Variants in AIF1L observed in about 807,000 individuals in gnomAD.
AIF1L encodes allograft inflammatory factor 1 like.
AIF1L carries 12 observed loss-of-function variants against 20.7 expected under a neutral mutation model. That is an observed-to-expected ratio of 0.58 (90% CI 0.37 to 0.94). The LOEUF (loss-of-function observed/expected upper bound fraction) is 0.94. Ranked by LOEUF, AIF1L falls within the 40% of genes least tolerant of loss-of-function variation. The pLI is 0.01. For synonymous variants in AIF1L, 76 were observed against 65.1 expected (o/e 1.17, Z -0.81); for missense variants, 173 against 185.3 (o/e 0.93, Z 0.39).
intron 2 of AIF1L, among the ~76,000 whole-genome samples, chr9:131,106,622 A>G (rs1830754481): frequency 6.6e-6 from 1 of 151,946 alleles, no homozygotes; most frequent in South Asian, 2.1e-4. Context: ...ATCTCTACAA[A>G]AAATACAAAC....
At position 131,111,514 on chromosome 9, in the gene AIF1L, G is replaced by A. The variant is rs1830883255; in HGVS notation, c.94-83G>A. 29 of 1,295,264 alleles carry A rather than the reference G, an allele frequency of 2.2e-5. No individual in the cohort carries two copies. In the South Asian group the frequency reaches 3.4e-4, roughly 15 times the overall value. The allele number at this position is 1,295,264 out of a possible 1,614,324, so 80.2% of individuals were successfully genotyped here. ...GTCGCACCTGGTTACCCGATAGGAG[G>A]GAAGGCCCCCGGACAGTGGGCCCAT... On this transcript the variant is annotated intron_variant, in intron 2 of 5. Transcript: ENST00000247291.
chr9:131,096,656 C>T lies in AIF1L; in HGVS notation c.27C>T (p.Phe9=), dbSNP rs1416624838. Reference sequence around the variant, plus strand: ...TGTCGGGCGAGCTCAGCAACAGGTTCCAAGGTAGGCGCCGCCGTCCCCGAG... The same window carrying T: ...TGTCGGGCGAGCTCAGCAACAGGTTTCAAGGTAGGCGCCGCCGTCCCCGAG... MSGELSNR[F]QGGKAFGLLK... is the part of the protein sequence containing the mutation. The change falls in exon 1 of 6, where the codon TTC becomes TTT. Residue 9 remains phenylalanine (F), a synonymous_variant. Transcript: ENST00000247291. 2.7e-6 allele frequency: 4 copies of T among 1,481,978 alleles called. No individual in the cohort carries two copies. Among genetic ancestry groups the T allele is most frequent in the Non-Finnish European group, 3.6e-6 (4 of 1,124,078 alleles). The allele number at this position is 1,481,978 out of a possible 1,614,324, so 91.8% of individuals were successfully genotyped here. A position where few individuals can be genotyped will look rare whatever the true frequency, so the allele number is the denominator to read the frequency against.
intron 3 of AIF1L, among the ~76,000 whole-genome samples, chr9:131,113,158 G>A (rs10121209): frequency 6.6e-6 from 1 of 151,882 alleles, no homozygotes; most frequent in Non-Finnish European, 1.5e-5. Flanking sequence ...AGAAATGAGG[G>A]AGGGAGGACA....
intron 4 of AIF1L, 46 bp downstream of exon 4, chr9:131,114,664 G>C (rs369703827): frequency 6.2e-7 from 1 of 1,611,002 alleles, no homozygotes; most frequent in South Asian, 1.1e-5. Context: ...TGTTAAGTGG[G>C]TAGAGGGCTT....
Position 131,120,886 on chromosome 9 carries a change from T to C in AIF1L, c.*564T>C. 2.0e-6 allele frequency: 1 copy of C among 493,340 alleles called. No homozygotes were observed. 30.6% of individuals were successfully genotyped at this position (493,340 alleles called of 1,614,324 possible). A position where few individuals can be genotyped will look rare whatever the true frequency, so the allele number is the denominator to read the frequency against. ...ACTCATTCCACACCTCTTCTCATCC[T>C]CAGTGATGTGAAGGTGGGAAGGAAA... On this transcript the variant is annotated 3_prime_UTR_variant, in exon 6 of 6. Transcript: ENST00000247291.
chr9:131,118,534 C>T (rs1399486892), intron 5 of AIF1L, among the ~76,000 whole-genome samples: 5 of 150,014 alleles, frequency 3.3e-5, no homozygotes, highest in African/African-American at 9.8e-5. Flanking sequence ...TGAAACTTTC[C>T]GAGCCTTAGT....
rs1476143892 is a variant in AIF1L, at chr9:131,122,603, CCTCA to C, written c.*2286_*2289del. ...ACCCATCATATTCAGTGTCCCTGTTCCTCACTCAGAGAGGAAGGCAGAACCAGTC... is the reference window on the plus strand; with the variant it reads ...ACCCATCATATTCAGTGTCCCTGTTCCTCAGAGAGGAAGGCAGAACCAGTC... On this transcript the variant is annotated 3_prime_UTR_variant, in exon 6 of 6. Transcript: ENST00000247291. 12 of 152,142 alleles carry C rather than the reference CCTCA, an allele frequency of 7.9e-5. No homozygotes were observed. Among genetic ancestry groups the C allele is most frequent in the African/African-American group, 2.9e-4 (12 of 41,416 alleles). The allele number at this position is 152,142 out of a possible 1,614,324, so 9.4% of individuals were successfully genotyped here. A position where few individuals can be genotyped will look rare whatever the true frequency, so the allele number is the denominator to read the frequency against.
chr9:131,120,583 A>C lies in AIF1L; in HGVS notation c.*261A>C. 1 of 406,134 alleles carries C rather than the reference A, an allele frequency of 2.5e-6. No individual in the cohort carries two copies. 25.2% of individuals were successfully genotyped at this position (406,134 alleles called of 1,614,324 possible). A position where few individuals can be genotyped will look rare whatever the true frequency, so the allele number is the denominator to read the frequency against. ...TGCAGAAGGGCTGACATCAAACCAA[A>C]AACTAGAGGGGGCAGGGCCAGGGCA... On this transcript the variant is annotated 3_prime_UTR_variant, in exon 6 of 6. Coordinates refer to ENST00000247291, the MANE Select transcript of AIF1L (RefSeq NM_031426.4).
chr9:131,098,820 G>A (rs186747115), intron 2 of AIF1L, among the ~76,000 whole-genome samples: 6 of 152,294 alleles, frequency 3.9e-5, no homozygotes, highest in Admixed American at 2.0e-4. Flanking sequence ...CCAAGGCCAC[G>A]CAGAAGCCAG....
chr9:131,108,213 T>C (rs1588183072), intron 2 of AIF1L: 1 of 149,356 alleles, frequency 6.7e-6, no homozygotes. Flanking sequence ...TTTTTTTTTT[T>C]TTTTTTTTTT....
intron 3 of AIF1L, among the ~76,000 whole-genome samples, chr9:131,113,340 A>G (rs372437011): frequency 2.1e-4 from 32 of 152,082 alleles, no homozygotes; most frequent in African/African-American, 6.3e-4. Context: ...TCTATTAAAA[A>G]TACAAAAATT....
chr9:131,105,359 ATGTTT>A (rs1260867246), intron 2 of AIF1L, among the ~76,000 whole-genome samples: 3 of 152,062 alleles, frequency 2.0e-5, no homozygotes, highest in African/African-American at 7.2e-5. Context: ...AGCATTTGTC[ATGTTT>A]TGTTTTGTTT....
Position 131,099,155 on chromosome 9 carries a change from G to A in AIF1L, c.93+2292G>A, listed in dbSNP as rs540347551. Among the ~76,000 whole-genome samples the A allele has an allele frequency of 5.9e-5, 9 of 152,180 alleles. 1 individual carries two copies. The highest frequency in any genetic ancestry group is 1.3e-4 in the Non-Finnish European group (9 of 68,044). The stretch of plus-strand genomic sequence containing the variant: ...TAAAGCACCCAGGAGAGCTGGCTGC[G>A]GCCCTGATAGCTATCAGGACAGTTT... On this transcript the variant is annotated intron_variant, in intron 2 of 5. Transcript: ENST00000247291.
chr9:131,107,805 C>T (rs1451885064), intron 2 of AIF1L: 1 of 152,096 alleles, frequency 6.6e-6, no homozygotes, highest in South Asian at 2.1e-4. Context: ...CTAATATGTC[C>T]CTTCACTGGG....
At chr9:131,102,933 TA>T in intron 2 of AIF1L, 1 of 456,276 alleles carries the variant, frequency 2.2e-6, no homozygotes, top group South Asian at 1.5e-5. Context: ...CTGCAGCTGA[TA>T]CAGAAAGACA....
intron 2 of AIF1L, among the ~76,000 whole-genome samples, chr9:131,098,951 C>T (rs1032500734): frequency 2.6e-5 from 4 of 152,128 alleles, no homozygotes; most frequent in East Asian, 1.9e-4. Flanking sequence ...AGGAAGGAGG[C>T]GCCAGGATCA....
chr9:131,102,851 T>C, intron 2 of AIF1L: 1 of 456,194 alleles, frequency 2.2e-6, no homozygotes, highest in Non-Finnish European at 4.4e-6. Flanking sequence ...TTGGAGTTCT[T>C]GTCCAAGGCC....
intron 3 of AIF1L, among the ~76,000 whole-genome samples, chr9:131,113,071 C>T (rs972197605): frequency 2.0e-5 from 3 of 151,902 alleles, no homozygotes; most frequent in Admixed American, 6.6e-5. Context: ...GCTCGGGGGG[C>T]GGTGTGAGAG....
rs1407660884 is a variant in AIF1L at position 131,122,407 on chromosome 9, C to T, written c.*2085C>T. The stretch of plus-strand genomic sequence containing the variant: ...CACACAGGCCTAGTTGAAGTTTAAA[C>T]CCCAGCAAAACATTCCTCCCTGTAA... On this transcript the variant is annotated 3_prime_UTR_variant, in exon 6 of 6. Transcript: ENST00000247291. 6.6e-6 allele frequency: 1 copy of T among 152,458 alleles called. No individual in the cohort carries two copies. The highest frequency in any genetic ancestry group is 2.1e-4 in the South Asian group (1 of 4,820). The allele number at this position is 152,458 out of a possible 1,614,324, so 9.4% of individuals were successfully genotyped here.
Sources: gnomAD v4.1 joint callset for allele counts (sites outside exome capture counted in the v4.1 genomes callset) on GRCh38, gnomAD v4.1.1 for gene constraint, MANE v1.5 for transcripts, NCBI Gene and HGNC (gene_info 2026-07-23, HGNC 2026-07-21) for gene names.